BMPER: variants seen among roughly 807,000 people sequenced by gnomAD.
BMPER encodes BMP-binding endothelial regulator protein.
In BMPER, 45 loss-of-function variants were observed where a neutral mutation model predicts 87.3. The observed-to-expected ratio is 0.52, with a 90% CI of 0.41 to 0.66. The LOEUF (loss-of-function observed/expected upper bound fraction) is 0.66, where lower values mean the gene tolerates loss of function less well. BMPER is among the 30% of genes least tolerant of loss of function. BMPER has a pLI of 0.00. For synonymous variants in BMPER, 326 were observed against 316.2 expected (o/e 1.03, Z -0.33); for missense variants, 784 against 867.5 (o/e 0.90, Z 1.21).
At chr7:33,911,510 A>ATAGTGG (rs1312933923) in intron 2 of BMPER, among the ~76,000 whole-genome samples, 3 of 152,226 alleles carry the variant, frequency 2.0e-5, no homozygotes, top group Non-Finnish European at 4.4e-5. Flanking sequence ...GGAGGCAGTT[A>ATAGTGG]TAGTGGTTTT....
rs1297350333 is a variant in BMPER at position 34,153,350 on chromosome 7, T to C, written c.*77T>C. 1 of 1,488,280 alleles carries C rather than the reference T, an allele frequency of 6.7e-7. No individual in the cohort carries two copies. The highest frequency in any genetic ancestry group is 9.4e-7 in the Non-Finnish European group (1 of 1,068,388). 92.2% of individuals were successfully genotyped at this position (1,488,280 alleles called of 1,614,324 possible). ...CGGAAGAGCCAATGAAGGACTGCAG[T>C]ATTTGTGTGCCCGATTCTGTAAACA... is the stretch of plus-strand genomic sequence containing the variant. On this transcript the variant is annotated 3_prime_UTR_variant, in exon 15 of 15. Transcript: ENST00000649409.
intron 12 of BMPER, 98 bp from the exon 13 acceptor site, chr7:34,085,658 G>A (rs1789178676): frequency 8.6e-7 from 1 of 1,163,942 alleles, no homozygotes; most frequent in East Asian, 2.5e-5. Context: ...CTTATTGGAG[G>A]ACAGTCAGTC....
intron 12 of BMPER, among the ~76,000 whole-genome samples, chr7:34,084,014 A>AG: frequency 6.6e-6 from 1 of 151,868 alleles, no homozygotes; most frequent in East Asian, 1.9e-4. Context: ...AAAAAAAAAA[A>AG]AAAAAAAGGC....
chr7:34,092,763 G>C (rs986872663), intron 13 of BMPER, among the ~76,000 whole-genome samples: 4 of 152,072 alleles, frequency 2.6e-5, no homozygotes, highest in Non-Finnish European at 5.9e-5. Context: ...CAATTTTCTT[G>C]GAGCCCAAGT....
At chr7:34,097,467 G>A (rs941083004) in intron 13 of BMPER, among the ~76,000 whole-genome samples, 1 of 152,216 alleles carries the variant, frequency 6.6e-6, no homozygotes, top group Non-Finnish European at 1.5e-5. Flanking sequence ...CAGGGGTTTA[G>A]TAAAGCTCAG....
At chr7:34,118,596 C>T (rs1007489274) in intron 13 of BMPER, among the ~76,000 whole-genome samples, 15 of 152,132 alleles carry the variant, frequency 9.9e-5, no homozygotes, top group African/African-American at 1.7e-4. Flanking sequence ...ATTTTCTGGA[C>T]GGTGGATGAA....
rs1490112690 is a variant in BMPER, at chr7:33,970,404, T to C, written c.478T>C (p.Cys160Arg). Residue 160 changes from cysteine to arginine, a missense_variant, in exon 5 of 15, where the codon TGC (cysteine) becomes CGC (arginine). Physicochemically the swap from Cys to Arg is radical, Grantham distance 180. Coordinates refer to ENST00000649409, the MANE Select transcript of BMPER (RefSeq NM_001365308.1). ...KNPLEHLGMC[C>R]PTCPGCVFEG... ...CCCTTTGGAGCATCTGGGAATGTGC[T>C]GCCCCACATGTCCAGGTAACGTTCT... The C allele has an allele frequency of 6.2e-7, 1 of 1,614,116 alleles. No individual in the cohort carries two copies. Among genetic ancestry groups the C allele is most frequent in the Non-Finnish European group, 8.5e-7 (1 of 1,179,950 alleles).
At chr7:34,091,089 C>A (rs1427865185) in intron 13 of BMPER, among the ~76,000 whole-genome samples, 1 of 152,100 alleles carries the variant, frequency 6.6e-6, no homozygotes, top group African/African-American at 2.4e-5. Context: ...ACAGGACCTT[C>A]GTGTTGGATA....
intron 13 of BMPER, among the ~76,000 whole-genome samples, chr7:34,115,732 C>T (rs1423560823): frequency 6.6e-6 from 1 of 152,150 alleles, no homozygotes; most frequent in Non-Finnish European, 1.5e-5. Flanking sequence ...TTTATCCATT[C>T]ATTGTTTGAT....
At chr7:34,124,047 G>A (rs1790332155) in intron 13 of BMPER, among the ~76,000 whole-genome samples, 1 of 152,026 alleles carries the variant, frequency 6.6e-6, no homozygotes, top group South Asian at 2.1e-4. Context: ...TTTAACTCTG[G>A]TGCTCAAATA....
intron 9 of BMPER, 141 bp downstream of exon 9, chr7:34,055,444 G>C: frequency 7.7e-6 from 8 of 1,045,524 alleles, no homozygotes; most frequent in East Asian, 2.6e-5. Flanking sequence ...TTAATAGAAT[G>C]TATTTATATT....
chr7:34,035,605 A>C (rs1353908594), intron 6 of BMPER, among the ~76,000 whole-genome samples: 2 of 152,216 alleles, frequency 1.3e-5, no homozygotes, highest in Non-Finnish European at 2.9e-5. Flanking sequence ...TTTGTACCTC[A>C]AGAAACCTCA....
At chr7:33,985,211 T>C (rs1194233517) in intron 6 of BMPER, among the ~76,000 whole-genome samples, 1 of 152,242 alleles carries the variant, frequency 6.6e-6, no homozygotes, top group African/African-American at 2.4e-5. Context: ...CGAGGATAAC[T>C]ACTGTTAATA....
intron 2 of BMPER, among the ~76,000 whole-genome samples, chr7:33,929,584 G>C (rs966770599): frequency 6.6e-6 from 1 of 152,322 alleles, no homozygotes. Context: ...GCAAGGGAAA[G>C]GTGGCTCACT....
intron 7 of BMPER, among the ~76,000 whole-genome samples, chr7:34,049,694 C>G (rs543731173): frequency 1.3e-5 from 2 of 152,106 alleles, no homozygotes; most frequent in Admixed American, 6.5e-5. Context: ...TTTAAGACCA[C>G]TTACAAAATA....
intron 6 of BMPER, among the ~76,000 whole-genome samples, chr7:34,041,140 A>G (rs998174928): frequency 6.6e-6 from 1 of 152,150 alleles, no homozygotes; most frequent in African/African-American, 2.4e-5. Flanking sequence ...CTCAGCTTGG[A>G]TGTTAGAACT....
chr7:34,080,507 ATC>A, intron 12 of BMPER, among the ~76,000 whole-genome samples: 1 of 152,184 alleles, frequency 6.6e-6, no homozygotes, highest in Admixed American at 6.5e-5. Flanking sequence ...GTTGTGAGAG[ATC>A]TACTCATTCA....
intron 13 of BMPER, among the ~76,000 whole-genome samples, chr7:34,119,012 T>TCACACACACACACACACACACACACACA (rs781255103): frequency 6.1e-5 from 2 of 33,006 alleles, no homozygotes; most frequent in Admixed American, 3.8e-4. Context: ...TCTCTCTCTC[T>TCACACACACACACACACACACACACACA]CTCACACACA....
At chr7:34,145,762 G>A (rs1791000643) in intron 14 of BMPER, among the ~76,000 whole-genome samples, 1 of 152,160 alleles carries the variant, frequency 6.6e-6, no homozygotes, top group Non-Finnish European at 1.5e-5. Context: ...ATTAGATACA[G>A]GATATATGAT....
Sources: allele counts gnomAD v4.1 joint callset (sites outside exome capture counted in the v4.1 genomes callset), GRCh38; gene constraint gnomAD v4.1.1; transcripts MANE v1.5; gene names NCBI Gene and HGNC (gene_info 2026-07-23, HGNC 2026-07-21).